Variants in ABLIM1 observed in about 807,000 individuals in gnomAD.
ABLIM1 encodes actin binding LIM protein 1, also known as actin-binding LIM protein 1.
In ABLIM1, 40 loss-of-function variants were observed where a neutral mutation model predicts 107.0. The ratio of observed to expected loss-of-function variants is 0.37; its 90% CI spans 0.29 to 0.49. ABLIM1 has a LOEUF of 0.49. ABLIM1 is among the 20% of genes least tolerant of loss of function. The pLI is 0.97. For missense variants in ABLIM1, 857 were observed against 1,008.5 expected, an observed-to-expected ratio of 0.85 and a Z score of 2.04; for synonymous variants, 357 against 357.3, an observed-to-expected ratio of 1.00 and a Z score of 0.01.
At chr10:114,750,785 A>G (rs1032639135) in intron 1 of ABLIM1, among the ~76,000 whole-genome samples, 1 of 152,220 alleles carries the variant, frequency 6.6e-6, no homozygotes, top group African/African-American at 2.4e-5. Context: ...TCTCACATCA[A>G]AATATTCATA....
chr10:114,682,040 T>C (rs2080772130), intron 1 of ABLIM1, among the ~76,000 whole-genome samples: 1 of 152,238 alleles, frequency 6.6e-6, no homozygotes, highest in Non-Finnish European at 1.5e-5. Context: ...TGGAAATGAA[T>C]GACATTTAGT....
chr10:114,670,765 G>T (rs987651277), intron 1 of ABLIM1, among the ~76,000 whole-genome samples: 2 of 152,272 alleles, frequency 1.3e-5, no homozygotes, highest in Non-Finnish European at 2.9e-5. Context: ...GAAGTGTTGG[G>T]ATTATAGGCG....
intron 1 of ABLIM1, among the ~76,000 whole-genome samples, chr10:114,645,398 C>T (rs2078969230): frequency 6.6e-6 from 1 of 152,130 alleles, no homozygotes; most frequent in Non-Finnish European, 1.5e-5. Flanking sequence ...CCTCACTCCT[C>T]TACCAGTGAT....
chr10:114,505,791 T>C (rs2061044539), intron 6 of ABLIM1, among the ~76,000 whole-genome samples: 1 of 152,308 alleles, frequency 6.6e-6, no homozygotes, highest in South Asian at 2.1e-4. Context: ...CCCCATGAAT[T>C]ATAAATATTT....
intron 1 of ABLIM1, among the ~76,000 whole-genome samples, chr10:114,663,362 A>G (rs1367072602): frequency 1.3e-5 from 2 of 152,194 alleles, no homozygotes; most frequent in East Asian, 3.8e-4. Flanking sequence ...GCCAGCTGCT[A>G]AGCTGCTGGA....
At chr10:114,761,938 A>G (rs2082755332) in intron 1 of ABLIM1, among the ~76,000 whole-genome samples, 1 of 151,166 alleles carries the variant, frequency 6.6e-6, no homozygotes. Context: ...CAGCTAACTC[A>G]ATGCCACTCT....
intron 2 of ABLIM1, among the ~76,000 whole-genome samples, chr10:114,581,611 G>A (rs922327313): frequency 6.6e-6 from 1 of 152,170 alleles, no homozygotes; most frequent in Non-Finnish European, 1.5e-5. Flanking sequence ...CATGATCAAT[G>A]TTTTCAATTC....
chr10:114,657,912 A>G (rs2079601033), intron 1 of ABLIM1, 45 bp downstream of exon 1: 1 of 1,518,430 alleles, frequency 6.6e-7, no homozygotes, highest in Admixed American at 1.8e-5. Flanking sequence ...AATTACGCCA[A>G]TCACAAAACA....
At chr10:114,509,174 A>G (rs1263327945) in intron 6 of ABLIM1, among the ~76,000 whole-genome samples, 2 of 152,190 alleles carry the variant, frequency 1.3e-5, no homozygotes, top group East Asian at 3.9e-4. Flanking sequence ...GGCTATGACA[A>G]CCAGGGTCAC....
chr10:114,767,442 C>T (rs1222924199), intron 1 of ABLIM1, among the ~76,000 whole-genome samples: 1 of 152,132 alleles, frequency 6.6e-6, no homozygotes, highest in African/African-American at 2.4e-5. Context: ...CCAGCATCGT[C>T]GCTGGCTCCA....
chr10:114,538,013 T>C (rs999521616), intron 6 of ABLIM1, among the ~76,000 whole-genome samples: 9 of 152,252 alleles, frequency 5.9e-5, no homozygotes, highest in African/African-American at 9.6e-5. Context: ...GGATAACCTA[T>C]GTTTTGCTCA....
chr10:114,515,078 C>A (rs1171623359), intron 6 of ABLIM1, among the ~76,000 whole-genome samples: 8 of 152,176 alleles, frequency 5.3e-5, no homozygotes, highest in Non-Finnish European at 1.2e-4. Flanking sequence ...TGAGAAGGAG[C>A]GCGTGCATAA....
intron 6 of ABLIM1, 35 bp from the exon 7 acceptor site, chr10:114,491,913 T>TCCTTGTCA (rs771750213): frequency 2.0e-6 from 3 of 1,510,344 alleles, no homozygotes; most frequent in Non-Finnish European, 2.7e-6. Context: ...TTGAGTCTGC[T>TCCTTGTCA]CCTTGTCATG....
intron 1 of ABLIM1, among the ~76,000 whole-genome samples, chr10:114,654,633 A>G (rs1378693339): frequency 6.6e-6 from 1 of 152,130 alleles, no homozygotes; most frequent in Non-Finnish European, 1.5e-5. Context: ...TAGTTCTCAT[A>G]ATCAATACTG....
chr10:114,766,129 T>C (rs1566319248), intron 1 of ABLIM1, among the ~76,000 whole-genome samples: 1 of 152,170 alleles, frequency 6.6e-6, no homozygotes, highest in Non-Finnish European at 1.5e-5. Context: ...TTATAATCTC[T>C]CAAAACCTCA....
upstream of ABLIM1, among the ~76,000 whole-genome samples, chr10:114,688,526 T>C (rs552577774): frequency 6.6e-6 from 1 of 152,338 alleles, no homozygotes; most frequent in South Asian, 2.1e-4. Context: ...TTATTGTTCA[T>C]AGCTCACATT....
chr10:114,710,823 A>T (rs2081532619), intron 1 of ABLIM1, among the ~76,000 whole-genome samples: 1 of 152,220 alleles, frequency 6.6e-6, no homozygotes, highest in Admixed American at 6.5e-5. Context: ...CACAGAACAC[A>T]TATTTTGGCT....
rs117732193 is a variant in ABLIM1 at position 114,443,233 on chromosome 10, T to C, written c.1933+796A>G. On this transcript the variant is annotated intron_variant, in intron 17 of 22. Coordinates refer to ENST00000533213, the MANE Select transcript of ABLIM1 (RefSeq NM_002313.7). Reference sequence around the variant, plus strand: ...TACAGGGGAAAATACACTGATAGGCTATTTCAGCCCAGTGTATAAGTCATC... The same window carrying C: ...TACAGGGGAAAATACACTGATAGGCCATTTCAGCCCAGTGTATAAGTCATC... Among the ~76,000 whole-genome samples the C allele has an allele frequency of 5.8e-3, 876 of 152,306 alleles. 1 individual carries two copies. The highest frequency in any genetic ancestry group is 9.5e-3 in the Non-Finnish European group (644 of 68,010).
At chr10:114,513,674 G>A (rs1022638206) in intron 6 of ABLIM1, among the ~76,000 whole-genome samples, 1 of 152,144 alleles carries the variant, frequency 6.6e-6, no homozygotes, top group Admixed American at 6.5e-5. Context: ...GGAGCAAAGG[G>A]TATCCCTCAT....
Sources: allele counts gnomAD v4.1 joint callset (sites outside exome capture counted in the v4.1 genomes callset), GRCh38; gene constraint gnomAD v4.1.1; transcripts MANE v1.5; gene names NCBI Gene and HGNC (gene_info 2026-07-23, HGNC 2026-07-21).